Variants in MERTK observed in about 807,000 individuals in gnomAD.
MERTK encodes the protein tyrosine-protein kinase Mer.
In MERTK, 69 loss-of-function variants were observed where a neutral mutation model predicts 99.3. The observed-to-expected ratio is 0.70, with a 90% confidence interval of 0.57 to 0.85. MERTK has a LOEUF of 0.85. Ranked by LOEUF, MERTK falls within the 40% of genes least tolerant of loss-of-function variation. The probability of loss-of-function intolerance (pLI) is 0.00; values close to 1 mark genes in which losing one functional copy is unlikely to be tolerated. For synonymous variants in MERTK, 426 were observed against 467.6 expected, an observed-to-expected ratio of 0.91 and a Z score of 1.15; for missense variants, 1,125 against 1,249.4, an observed-to-expected ratio of 0.90 and a Z score of 1.50.
intron 8 of MERTK, among the ~76,000 whole-genome samples, chr2:111,990,786 G>A (rs1676600315): frequency 6.6e-6 from 1 of 152,100 alleles, no homozygotes; most frequent in South Asian, 2.1e-4. Flanking sequence ...TTTGGATTTT[G>A]GAACATTTCA....
At chr2:111,915,383 CTAT>C (rs1238118264) in intron 1 of MERTK, among the ~76,000 whole-genome samples, 1 of 146,560 alleles carries the variant, frequency 6.8e-6, no homozygotes, top group African/African-American at 2.5e-5. Flanking sequence ...CTTTTTTTAT[CTAT>C]TATTTTCTTC....
chr2:112,025,450 T>G (rs1677443826), intron 18 of MERTK, among the ~76,000 whole-genome samples: 1 of 152,164 alleles, frequency 6.6e-6, no homozygotes, highest in Admixed American at 6.5e-5. Context: ...CCCTGCCTCT[T>G]GCCTGCTTCT....
intron 1 of MERTK, among the ~76,000 whole-genome samples, chr2:111,917,089 T>C (rs530429433): frequency 2.6e-5 from 4 of 152,330 alleles, no homozygotes; most frequent in Admixed American, 6.5e-5. Context: ...AAGGATGGCC[T>C]CCTTTCTGGT....
intron 13 of MERTK, among the ~76,000 whole-genome samples, chr2:112,006,286 TACTC>T (rs1445929679): frequency 6.6e-6 from 1 of 152,184 alleles, no homozygotes; most frequent in Non-Finnish European, 1.5e-5. Context: ...ATTTATGTAA[TACTC>T]ACTGTTAGCC....
intron 7 of MERTK, among the ~76,000 whole-genome samples, chr2:111,976,418 A>G (rs76646680): frequency 0.016 from 2,427 of 152,226 alleles, 56 homozygotes; most frequent in African/African-American, 0.042. Flanking sequence ...GGTCAGAGAG[A>G]TTGTTTTCTG....
intron 1 of MERTK, among the ~76,000 whole-genome samples, chr2:111,925,290 ATATTTTTTTTTTTTT>A (rs1684538043): frequency 3.2e-5 from 1 of 31,508 alleles, no homozygotes; most frequent in Admixed American, 5.1e-4. Context: ...ATATATATAT[ATATTTTTTTTTTTTT>A]TTTTTTTTTT....
At chr2:111,940,665 G>T (rs572757473) in intron 2 of MERTK, 1 of 711,524 alleles carries the variant, frequency 1.4e-6, no homozygotes, top group Admixed American at 1.8e-5. Context: ...GATTATTTAC[G>T]TCCAAATTTA....
chr2:111,982,570 T>C (rs1676394206), intron 7 of MERTK, among the ~76,000 whole-genome samples: 2 of 152,140 alleles, frequency 1.3e-5, no homozygotes, highest in African/African-American at 4.8e-5. Flanking sequence ...TGTTTTGTTT[T>C]GTAGAAAGGG....
intron 7 of MERTK, among the ~76,000 whole-genome samples, chr2:111,981,738 T>TACAC (rs397873336): frequency 2.6e-3 from 65 of 25,040 alleles, no homozygotes; most frequent in African/African-American, 6.7e-3. Context: ...TACACTCGTG[T>TACAC]ACACACACAC....
At chr2:111,986,133 G>A (rs1372033825) in intron 8 of MERTK, among the ~76,000 whole-genome samples, 1 of 152,200 alleles carries the variant, frequency 6.6e-6, no homozygotes, top group Non-Finnish European at 1.5e-5. Context: ...GAAAAAGAAG[G>A]CTTAGAAGTC....
At chr2:112,008,648 A>G (rs1573637491) in intron 14 of MERTK, 173 bp downstream of exon 14, 8 of 712,646 alleles carry the variant, frequency 1.1e-5, no homozygotes, top group Admixed American at 9.9e-5. Flanking sequence ...TTCTGAGGCT[A>G]ATAGTAATAA....
At chr2:111,961,871 G>A (rs140069205) in intron 4 of MERTK, among the ~76,000 whole-genome samples, 9 of 152,230 alleles carry the variant, frequency 5.9e-5, no homozygotes, top group Admixed American at 3.3e-4. Flanking sequence ...GGCTGCAGCC[G>A]GGGCGCAGTC....
At chr2:111,989,339 C>A (rs990234028) in intron 8 of MERTK, among the ~76,000 whole-genome samples, 16 of 150,378 alleles carry the variant, frequency 1.1e-4, no homozygotes, top group African/African-American at 3.9e-4. Context: ...AATACAGTTA[C>A]GAGTTATAGG....
In MERTK at chr2:111,965,175, T is replaced by A; in HGVS notation, c.758-16T>A. ...GTTTCTCTGCTGCTGGTCTCATGAG[T>A]CTCCTTCCATTCCAGGCCTGACGGA... On this transcript the variant is annotated splice_polypyrimidine_tract_variant and intron_variant, in intron 4 of 18. Transcript: ENST00000295408. 6.2e-7 allele frequency: 1 copy of A among 1,612,652 alleles called. No homozygotes were observed. The highest frequency in any genetic ancestry group is 8.5e-7 in the Non-Finnish European group (1 of 1,178,678).
At chr2:112,021,346 C>T in intron 16 of MERTK, 76 bp from the exon 17 acceptor site, 1 of 1,599,398 alleles carries the variant, frequency 6.3e-7, no homozygotes, top group Non-Finnish European at 8.5e-7. Flanking sequence ...TAAGTGTTTT[C>T]ACCTGTGTCT....
At chr2:111,993,893 C>A (rs1462879200) in intron 8 of MERTK, among the ~76,000 whole-genome samples, 5 of 152,102 alleles carry the variant, frequency 3.3e-5, no homozygotes, top group African/African-American at 1.2e-4. Context: ...GTGTGACTGG[C>A]GTATTGTGCT....
chr2:111,947,536 T>TG lies in MERTK; in HGVS notation c.727dup (p.Glu243GlyfsTer21). 6.2e-7 allele frequency: 1 copy of TG among 1,614,158 alleles called. No homozygotes were observed. Among genetic ancestry groups the TG allele is most frequent in the Non-Finnish European group, 8.5e-7 (1 of 1,180,028 alleles). ...ACAGTAGCCGTGTTAACGAACAGCC[T>TG]GAAAAATCCCCCTCCGTGCTAACTG... On this transcript the variant is annotated frameshift_variant, in exon 4 of 19. Transcript: ENST00000295408. LOFTEE classifies it high-confidence loss of function.
chr2:111,919,799 CT>C (rs5833425), intron 1 of MERTK, among the ~76,000 whole-genome samples: 35,041 of 130,116 alleles, frequency 0.27, 3,538 homozygotes, highest in Middle Eastern at 0.36. Flanking sequence ...TTTTTCTTTT[CT>C]TTTTTTTTTT....
chr2:111,968,066 G>A, intron 5 of MERTK, 71 bp from the exon 6 acceptor site: 1 of 1,090,800 alleles, frequency 9.2e-7, no homozygotes, highest in Non-Finnish European at 1.4e-6. Context: ...GCATTTGTTT[G>A]GTAGCTGTAG....
Sources: allele counts gnomAD v4.1 joint callset (sites outside exome capture counted in the v4.1 genomes callset), GRCh38; gene constraint gnomAD v4.1.1; transcripts MANE v1.5; gene names NCBI Gene and HGNC (gene_info 2026-07-23, HGNC 2026-07-21).